SLC44A5: variants seen among roughly 807,000 people sequenced by gnomAD.
SLC44A5 encodes the protein solute carrier family 44 member 5, also known as choline transporter-like protein 5.
In SLC44A5, 57 loss-of-function variants were observed where a neutral mutation model predicts 101.8. That is an observed-to-expected ratio of 0.56 (90% CI 0.45 to 0.70). The LOEUF (loss-of-function observed/expected upper bound fraction) is 0.70, where lower values mean the gene tolerates loss of function less well. Ranked by LOEUF, SLC44A5 falls within the 30% of genes least tolerant of loss-of-function variation. The pLI, the probability that SLC44A5 is intolerant of heterozygous loss-of-function variation, is 0.00. For missense variants in SLC44A5, 737 were observed against 853.1 expected (o/e 0.86, Z 1.70); for synonymous variants, 281 against 290.9 (o/e 0.97, Z 0.35).
chr1:75,453,652 C>T (rs1028683123), intron 2 of SLC44A5, among the ~76,000 whole-genome samples: 1 of 151,980 alleles, frequency 6.6e-6, no homozygotes, highest in Non-Finnish European at 1.5e-5. Context: ...AGACCACTAG[C>T]TAGATGAACA....
intron 5 of SLC44A5, among the ~76,000 whole-genome samples, chr1:75,294,939 G>A (rs1211467876): frequency 6.6e-6 from 1 of 152,080 alleles, no homozygotes; most frequent in Non-Finnish European, 1.5e-5. Flanking sequence ...AGATGAATAA[G>A]TTCTAGAGAT....
chr1:75,611,245 G>A (rs564027774), upstream of SLC44A5: 1 of 201,362 alleles, frequency 5.0e-6, no homozygotes, highest in African/African-American at 2.4e-5. Flanking sequence ...GTATAAAGAG[G>A]GGGAGGAGAC....
intron 4 of SLC44A5, among the ~76,000 whole-genome samples, chr1:75,337,723 C>T (rs916950277): frequency 2.0e-5 from 3 of 152,162 alleles, no homozygotes; most frequent in Non-Finnish European, 2.9e-5. Context: ...ACTGAGTTCA[C>T]CTCTCCTATG....
chr1:75,225,082 A>G (rs1333954407), intron 13 of SLC44A5, among the ~76,000 whole-genome samples: 1 of 152,232 alleles, frequency 6.6e-6, no homozygotes, highest in Non-Finnish European at 1.5e-5. Context: ...ACTGACACCC[A>G]GAACAACTTC....
intron 2 of SLC44A5, among the ~76,000 whole-genome samples, chr1:75,539,460 C>A (rs774178778): frequency 1.3e-5 from 2 of 152,032 alleles, no homozygotes; most frequent in Non-Finnish European, 2.9e-5. Flanking sequence ...TTTTCTGTTC[C>A]ACTCCAACAA....
chr1:75,281,636 G>GCCCCCCCCCCCC (rs71081324), intron 5 of SLC44A5, among the ~76,000 whole-genome samples: 1 of 49,456 alleles, frequency 2.0e-5, no homozygotes, highest in African/African-American at 5.5e-5. Context: ...CTGGTGCCAG[G>GCCCCCCCCCCCC]CCCCCCCCCC....
chr1:75,550,744 G>C (rs1671893927), intron 1 of SLC44A5, among the ~76,000 whole-genome samples: 1 of 152,048 alleles, frequency 6.6e-6, no homozygotes, highest in Admixed American at 6.6e-5. Flanking sequence ...GAATCAGGGA[G>C]AAGGAAGCAG....
At chr1:75,316,589 A>G (rs1309381943) in intron 4 of SLC44A5, among the ~76,000 whole-genome samples, 1 of 152,224 alleles carries the variant, frequency 6.6e-6, no homozygotes, top group Non-Finnish European at 1.5e-5. Context: ...TTAACTCTAT[A>G]TCTTTACTTC....
chr1:75,533,345 A>T (rs530865654), intron 2 of SLC44A5, among the ~76,000 whole-genome samples: 1 of 152,370 alleles, frequency 6.6e-6, no homozygotes, highest in Admixed American at 6.5e-5. Flanking sequence ...GCCCCAACGG[A>T]AACAATAGAA....
chr1:75,255,783 T>A (rs529596745), intron 6 of SLC44A5, among the ~76,000 whole-genome samples: 2 of 152,240 alleles, frequency 1.3e-5, no homozygotes, highest in African/African-American at 4.8e-5. Context: ...AAAAGGAAAA[T>A]ACTTATCATG....
At chr1:75,312,020 G>A (rs554035670) in intron 4 of SLC44A5, among the ~76,000 whole-genome samples, 1 of 152,272 alleles carries the variant, frequency 6.6e-6, no homozygotes, top group East Asian at 1.9e-4. Flanking sequence ...ATTCCCACAT[G>A]TTGATGAGGG....
At chr1:75,362,399 C>T (rs1429577769) in intron 3 of SLC44A5, among the ~76,000 whole-genome samples, 2 of 151,734 alleles carry the variant, frequency 1.3e-5, no homozygotes, top group African/African-American at 4.8e-5. Flanking sequence ...TTTGAACTCT[C>T]TTCTTTTTGG....
intron 3 of SLC44A5, among the ~76,000 whole-genome samples, chr1:75,346,732 A>G (rs1304718130): frequency 2.0e-5 from 3 of 152,136 alleles, no homozygotes; most frequent in Non-Finnish European, 2.9e-5. Context: ...ATTTCTTTCT[A>G]GCTATATTTG....
chr1:75,645,449 C>A, the SLC44A5 span, among the ~76,000 whole-genome samples: 1 of 151,876 alleles, frequency 6.6e-6, no homozygotes, highest in African/African-American at 2.4e-5. Context: ...CTGTTCATAT[C>A]CTTCGCCCAC....
At chr1:75,723,184 T>C in the SLC44A5 span, among the ~76,000 whole-genome samples, 2 of 152,208 alleles carry the variant, frequency 1.3e-5, no homozygotes, top group South Asian at 2.1e-4. Flanking sequence ...AGGTTATAAA[T>C]GACCCTGTCT....
intron 7 of SLC44A5, among the ~76,000 whole-genome samples, chr1:75,245,302 T>G (rs1002936560): frequency 4.6e-5 from 7 of 152,112 alleles, no homozygotes; most frequent in African/African-American, 1.7e-4. Context: ...AGTGGCTTCA[T>G]AGGTATCTTT....
At chr1:75,505,360 T>G (rs1669193686) in intron 2 of SLC44A5, among the ~76,000 whole-genome samples, 1 of 152,178 alleles carries the variant, frequency 6.6e-6, no homozygotes, top group Admixed American at 6.5e-5. Flanking sequence ...TGATTTGTTT[T>G]TCTTTGGGAT....
chr1:75,701,539 C>T, the SLC44A5 span, among the ~76,000 whole-genome samples: 3 of 152,120 alleles, frequency 2.0e-5, no homozygotes, highest in Non-Finnish European at 4.4e-5. Context: ...GACAAACCCA[C>T]AGCCAATATC....
intron 1 of SLC44A5, among the ~76,000 whole-genome samples, chr1:75,565,357 A>G (rs1339151379): frequency 6.6e-6 from 1 of 152,246 alleles, no homozygotes; most frequent in Non-Finnish European, 1.5e-5. Flanking sequence ...AGAGAGAACA[A>G]TCAAGCTCTT....
Sources: gnomAD v4.1 joint callset for allele counts (sites outside exome capture counted in the v4.1 genomes callset) on GRCh38, gnomAD v4.1.1 for gene constraint, MANE v1.5 for transcripts, NCBI Gene and HGNC (gene_info 2026-07-23, HGNC 2026-07-21) for gene names.